Variants in RCAN2 observed in about 807,000 individuals in gnomAD.
The protein encoded by RCAN2 is calcipressin-2.
A neutral mutation model predicts 23.6 loss-of-function variants in RCAN2; 9 were observed. That is an observed-to-expected ratio of 0.38 (90% CI 0.23 to 0.67). The LOEUF is 0.67. Among genes scored for constraint, RCAN2 ranks in the 30% least tolerant of loss-of-function variants. The pLI is 0.51. For synonymous variants in RCAN2, 109 were observed against 115.7 expected, an observed-to-expected ratio of 0.94 and a Z score of 0.37; for missense variants, 273 against 302.3, an observed-to-expected ratio of 0.90 and a Z score of 0.72.
rs563226078 is a variant in RCAN2 at position 46,471,396 on chromosome 6, T to G, written c.-2-14418A>C. Among the ~76,000 whole-genome samples the G allele has an allele frequency of 3.3e-5, 5 of 152,298 alleles. 1 individual carries two copies. In the South Asian group the frequency reaches 1.0e-3, roughly 32 times the overall value. Reference sequence around the variant, plus strand: ...CAAAGAGGTGGCAGTAGAAACAGAATCAGTAGGAACTTGAGTCTGGGTGTT... The same window carrying G: ...CAAAGAGGTGGCAGTAGAAACAGAAGCAGTAGGAACTTGAGTCTGGGTGTT... On this transcript the variant is annotated intron_variant, in intron 1 of 4. Coordinates refer to ENST00000371374, the MANE Select transcript of RCAN2 (RefSeq NM_001251974.2).
intron 2 of RCAN2, among the ~76,000 whole-genome samples, chr6:46,307,252 T>G (rs1763101266): frequency 6.6e-6 from 1 of 152,132 alleles, no homozygotes; most frequent in Non-Finnish European, 1.5e-5. Context: ...AGGGAGATGT[T>G]TGCAAACGCA....
chr6:46,308,666 C>T (rs1030156716), intron 2 of RCAN2, among the ~76,000 whole-genome samples: 1 of 152,090 alleles, frequency 6.6e-6, no homozygotes, highest in Non-Finnish European at 1.5e-5. Flanking sequence ...GGAGAAGACC[C>T]ATATTTAGTC....
At chr6:46,352,821 C>G (rs1347941644) in intron 2 of RCAN2, among the ~76,000 whole-genome samples, 1 of 152,094 alleles carries the variant, frequency 6.6e-6, no homozygotes, top group African/African-American at 2.4e-5. Flanking sequence ...ATAAGGAGTC[C>G]AGGGAGGTCT....
Position 46,483,798 on chromosome 6 carries a change from A to C in RCAN2, c.-3+7375T>G, listed in dbSNP as rs1768926665. On this transcript the variant is annotated intron_variant, in intron 1 of 4. Transcript: ENST00000371374. Reference sequence around the variant, plus strand: ...CTTTTTAAAATAAATAGTTGCTTGTATGTCATAAAAGATCAAATAAATATT... The same window carrying C: ...CTTTTTAAAATAAATAGTTGCTTGTCTGTCATAAAAGATCAAATAAATATT... 3.9e-5 allele frequency among the ~76,000 whole-genome samples: 6 copies of C among 152,354 alleles called. No homozygotes were observed. In the South Asian group the frequency reaches 1.2e-3, roughly 32 times the overall value.
intron 4 of RCAN2, among the ~76,000 whole-genome samples, chr6:46,232,883 C>G (rs73454548): frequency 0.012 from 1,897 of 152,060 alleles, 40 homozygotes; most frequent in African/African-American, 0.044. Flanking sequence ...CCCATCAGCC[C>G]TAAGTGCTTC....
chr6:46,345,418 G>C (rs1010895072), intron 2 of RCAN2, among the ~76,000 whole-genome samples: 1 of 152,076 alleles, frequency 6.6e-6, no homozygotes, highest in African/African-American at 2.4e-5. Context: ...ATAGAACACG[G>C]TATCCAACAA....
chr6:46,418,693 GTGTATATATATATATATA>G (rs1766779863), intron 2 of RCAN2, among the ~76,000 whole-genome samples: 1 of 99,606 alleles, frequency 1.0e-5, no homozygotes, highest in African/African-American at 3.6e-5. Context: ...ATATGTGTGT[GTGTATATATATATATATA>G]TATATATATA....
At chr6:46,390,396 C>G (rs984628307) in intron 2 of RCAN2, among the ~76,000 whole-genome samples, 1 of 152,204 alleles carries the variant, frequency 6.6e-6, no homozygotes, top group African/African-American at 2.4e-5. Flanking sequence ...TTTGTGGTCT[C>G]TTTCATACAG....
intron 2 of RCAN2, among the ~76,000 whole-genome samples, chr6:46,320,377 TCTC>T (rs1282217486): frequency 6.6e-6 from 1 of 152,076 alleles, no homozygotes; most frequent in African/African-American, 2.4e-5. Context: ...GCCTCATCCT[TCTC>T]CTCCTATCAC....
At chr6:46,223,751 G>C (rs892448665) in intron 4 of RCAN2, among the ~76,000 whole-genome samples, 1 of 152,140 alleles carries the variant, frequency 6.6e-6, no homozygotes, top group African/African-American at 2.4e-5. Context: ...ACTTCTTACA[G>C]CCAGAGCTGC....
chr6:46,487,599 C>T (rs1461829457), intron 1 of RCAN2, among the ~76,000 whole-genome samples: 3 of 152,128 alleles, frequency 2.0e-5, no homozygotes, highest in Admixed American at 6.5e-5. Context: ...CATTAATTGC[C>T]CCAGTTTCTC....
chr6:46,287,028 G>A (rs982216291), intron 2 of RCAN2, among the ~76,000 whole-genome samples: 1 of 151,858 alleles, frequency 6.6e-6, no homozygotes, highest in African/African-American at 2.4e-5. Context: ...GAAAGAAAGA[G>A]CACTTCAATA....
intron 2 of RCAN2, among the ~76,000 whole-genome samples, chr6:46,439,292 G>T (rs1237116747): frequency 5.3e-5 from 8 of 152,158 alleles, no homozygotes; most frequent in Admixed American, 4.6e-4. Flanking sequence ...TTTCAAAAAG[G>T]TGAACTTGTT....
rs1331292021 is a variant in RCAN2, at chr6:46,383,979, T to C, written c.225+72773A>G. ...GCTGCTTCCCCGCCTCTCTGGACAG[T>C]GGATACAATAGCAGGACAAAAGGAA... is the stretch of plus-strand genomic sequence containing the variant. On this transcript the variant is annotated intron_variant, in intron 2 of 4. Transcript: ENST00000371374. Among the ~76,000 whole-genome samples the C allele has an allele frequency of 2.6e-5, 4 of 152,160 alleles. No homozygotes were observed. In the East Asian group the frequency reaches 5.8e-4, roughly 22 times the overall value.
intron 2 of RCAN2, among the ~76,000 whole-genome samples, chr6:46,266,931 A>G (rs1277447064): frequency 2.7e-5 from 2 of 74,954 alleles, no homozygotes; most frequent in Non-Finnish European, 6.3e-5. Flanking sequence ...ACCCAGAGAC[A>G]TTCCACCGAC....
chr6:46,484,490 A>G (rs984986911), intron 1 of RCAN2, among the ~76,000 whole-genome samples: 6 of 152,258 alleles, frequency 3.9e-5, no homozygotes, highest in Non-Finnish European at 8.8e-5. Context: ...ATAAGTGCCC[A>G]TATTTGCTGT....
chr6:46,274,199 C>G (rs1455904093), intron 2 of RCAN2, among the ~76,000 whole-genome samples: 3 of 152,078 alleles, frequency 2.0e-5, no homozygotes, highest in African/African-American at 7.2e-5. Flanking sequence ...AGTGTTTGCT[C>G]GAGAACTTCT....
chr6:46,443,669 G>A (rs149950682), intron 2 of RCAN2, among the ~76,000 whole-genome samples: 2 of 152,134 alleles, frequency 1.3e-5, no homozygotes, highest in African/African-American at 4.8e-5. Context: ...ATAAATTGAC[G>A]TATAAAGCAG....
chr6:46,402,799 T>C (rs1157588495), intron 2 of RCAN2, among the ~76,000 whole-genome samples: 7 of 152,148 alleles, frequency 4.6e-5, no homozygotes, highest in Non-Finnish European at 1.0e-4. Context: ...GTTTCCCCCA[T>C]ATCTTTGGGT....
Sources: allele counts gnomAD v4.1 joint callset (sites outside exome capture counted in the v4.1 genomes callset), GRCh38; gene constraint gnomAD v4.1.1; transcripts MANE v1.5; gene names NCBI Gene and HGNC (gene_info 2026-07-23, HGNC 2026-07-21).